The following SYT1 variants were observed in gnomAD, a reference collection of about 807,000 sequenced individuals.
SYT1 encodes synaptotagmin-1.
SYT1 carries 8 observed loss-of-function variants against 44.8 expected under a neutral mutation model. The observed-to-expected ratio is 0.18, with a 90% CI of 0.10 to 0.32. The LOEUF (loss-of-function observed/expected upper bound fraction) is 0.32, where lower values mean the gene tolerates loss of function less well. Ranked by LOEUF, SYT1 falls within the 10% of genes least tolerant of loss-of-function variation. The probability of loss-of-function intolerance (pLI) is 1.00; values close to 1 mark genes in which losing one functional copy is unlikely to be tolerated. For synonymous variants in SYT1, 154 were observed against 188.8 expected, an observed-to-expected ratio of 0.82 and a Z score of 1.51; for missense variants, 286 against 509.3, an observed-to-expected ratio of 0.56 and a Z score of 4.22.
chr12:79,379,869 C>T (rs901773267), intron 9 of SYT1, among the ~76,000 whole-genome samples: 12 of 152,114 alleles, frequency 7.9e-5, no homozygotes, highest in African/African-American at 2.9e-4. Context: ...TGTACTATTA[C>T]GACTAATTTG....
intron 4 of SYT1, among the ~76,000 whole-genome samples, chr12:79,277,736 T>C (rs934972756): frequency 2.0e-5 from 3 of 151,984 alleles, no homozygotes; most frequent in Non-Finnish European, 4.4e-5. Flanking sequence ...ATTGATAAAA[T>C]ACATAATCCA....
At chr12:78,902,617 G>T (rs1365390736) in intron 1 of SYT1, among the ~76,000 whole-genome samples, 5 of 152,042 alleles carry the variant, frequency 3.3e-5, no homozygotes, top group Non-Finnish European at 7.4e-5. Flanking sequence ...TTTCCAGGAG[G>T]TTTCTCATTT....
At chr12:79,123,393 G>A (rs1868316892) in intron 3 of SYT1, among the ~76,000 whole-genome samples, 1 of 149,292 alleles carries the variant, frequency 6.7e-6, no homozygotes, top group Non-Finnish European at 1.5e-5. Flanking sequence ...AGTCACCCAG[G>A]AAACAAAATA....
At chr12:79,266,419 A>AG (rs1878130249) in intron 4 of SYT1, among the ~76,000 whole-genome samples, 2 of 148,986 alleles carry the variant, frequency 1.3e-5, no homozygotes, top group South Asian at 4.4e-4. Context: ...AGAAAAAAAA[A>AG]TAAAGGGGAT....
intron 6 of SYT1, among the ~76,000 whole-genome samples, chr12:79,293,065 C>T (rs887189811): frequency 6.6e-6 from 1 of 151,090 alleles, no homozygotes; most frequent in African/African-American, 2.4e-5. Context: ...GTAATCCCAG[C>T]ACTTTGGGAG....
chr12:79,293,369 A>G (rs934615729), intron 6 of SYT1, among the ~76,000 whole-genome samples: 2 of 140,642 alleles, frequency 1.4e-5, no homozygotes, highest in African/African-American at 5.3e-5. Context: ...ATAAAATAAA[A>G]TAAAATAAAA....
At chr12:79,256,761 C>T (rs941286880) in intron 4 of SYT1, among the ~76,000 whole-genome samples, 1 of 152,162 alleles carries the variant, frequency 6.6e-6, no homozygotes, top group Admixed American at 6.6e-5. Flanking sequence ...AAGAAAAATG[C>T]CATCTACTCA....
intron 1 of SYT1, among the ~76,000 whole-genome samples, chr12:78,916,175 C>A (rs1046955716): frequency 2.6e-5 from 4 of 151,958 alleles, no homozygotes; most frequent in African/African-American, 7.2e-5. Context: ...TGTGGTTGAA[C>A]CTGCCAGACA....
At chr12:79,363,584 A>T (rs2136030245) in intron 9 of SYT1, among the ~76,000 whole-genome samples, 1 of 151,590 alleles carries the variant, frequency 6.6e-6, no homozygotes, top group East Asian at 2.0e-4. Context: ...AAAAAAAAAA[A>T]AATAGCCAGG....
At chr12:79,139,744 CA>C (rs1205704953) in intron 3 of SYT1, among the ~76,000 whole-genome samples, 1 of 152,188 alleles carries the variant, frequency 6.6e-6, no homozygotes, top group East Asian at 1.9e-4. Context: ...TCTCCTGAGA[CA>C]GGACACATTT....
intron 9 of SYT1, among the ~76,000 whole-genome samples, chr12:79,386,119 G>A (rs1302187134): frequency 6.6e-6 from 1 of 152,088 alleles, no homozygotes; most frequent in African/African-American, 2.4e-5. Flanking sequence ...GTTGTATGGT[G>A]CATTACCCTG....
chr12:79,387,661 A>G (rs1884489002), intron 9 of SYT1, among the ~76,000 whole-genome samples: 1 of 152,244 alleles, frequency 6.6e-6, no homozygotes, highest in Admixed American at 6.5e-5. Flanking sequence ...CTAGTCAATC[A>G]TAATCACTGC....
chr12:79,431,646 C>T (rs942304343), intron 9 of SYT1, among the ~76,000 whole-genome samples: 3 of 151,902 alleles, frequency 2.0e-5, no homozygotes, highest in African/African-American at 2.4e-5. Flanking sequence ...TGGGTTCAAG[C>T]GATTATTCTG....
At chr12:78,952,949 G>C (rs1879039691) in intron 1 of SYT1, among the ~76,000 whole-genome samples, 1 of 152,064 alleles carries the variant, frequency 6.6e-6, no homozygotes, top group Non-Finnish European at 1.5e-5. Context: ...AGGAAAAATT[G>C]ACCTTTAATG....
At chr12:79,067,963 A>G (rs181161318) in intron 3 of SYT1, among the ~76,000 whole-genome samples, 1 of 152,284 alleles carries the variant, frequency 6.6e-6, no homozygotes, top group Admixed American at 6.5e-5. Flanking sequence ...TCACCTCTAC[A>G]TTTTTATTTC....
intron 1 of SYT1, among the ~76,000 whole-genome samples, chr12:78,894,328 C>CTGTTTTTTTTTTTT (rs1875225872): frequency 2.1e-4 from 2 of 9,740 alleles, no homozygotes; most frequent in African/African-American, 3.2e-4. Context: ...GTTTTTTAAT[C>CTGTTTTTTTTTTTT]TGTTTTTTTT....
intron 3 of SYT1, among the ~76,000 whole-genome samples, chr12:79,100,363 A>C (rs1425286577): frequency 1.3e-5 from 2 of 152,140 alleles, no homozygotes; most frequent in East Asian, 3.8e-4. Context: ...ACTATATCTT[A>C]AAGGTTTTTC....
chr12:79,141,168 A>G (rs757488490), intron 3 of SYT1, among the ~76,000 whole-genome samples: 1 of 152,148 alleles, frequency 6.6e-6, no homozygotes, highest in African/African-American at 2.4e-5. Flanking sequence ...TTGCCCTTCC[A>G]TATGATGTTT....
rs138560612 is a variant in SYT1 at position 79,172,926 on chromosome 12, A to G, written c.-17-44577A>G. ...AGTTCAATTCCATAAGTTTGTGTCAAGATACTACTACATGTAATTCAGGTT... is the reference window on the plus strand; with the variant it reads ...AGTTCAATTCCATAAGTTTGTGTCAGGATACTACTACATGTAATTCAGGTT... On this transcript the variant is annotated intron_variant, in intron 3 of 10. Coordinates refer to ENST00000261205, the MANE Select transcript of SYT1 (RefSeq NM_005639.3). 4.8e-3 allele frequency among the ~76,000 whole-genome samples: 680 copies of G among 140,722 alleles called. 6 individuals carry two copies. The highest frequency in any genetic ancestry group is 0.017 in the African/African-American group (640 of 37,384). 92.3% of individuals were successfully genotyped at this position (140,722 alleles called of 152,430 possible).
Sources: gnomAD v4.1 joint callset for allele counts (sites outside exome capture counted in the v4.1 genomes callset) on GRCh38, gnomAD v4.1.1 for gene constraint, MANE v1.5 for transcripts, NCBI Gene and HGNC (gene_info 2026-07-23, HGNC 2026-07-21) for gene names.